Variants in MCC observed in about 807,000 individuals in gnomAD.
The protein encoded by MCC is MCC regulator of Wnt signaling pathway.
Under a neutral mutation model 116.2 loss-of-function variants are expected in MCC, and 90 were observed. The ratio of observed to expected loss-of-function variants is 0.77; its 90% CI spans 0.65 to 0.92. The LOEUF (loss-of-function observed/expected upper bound fraction) is 0.92, where lower values mean the gene tolerates loss of function less well. Among genes scored for constraint, MCC ranks in the 40% least tolerant of loss-of-function variants. MCC has a pLI of 0.00. For missense variants in MCC, 1,516 were observed against 1,312.2 expected, an observed-to-expected ratio of 1.16 and a Z score of -2.40; for synonymous variants, 578 against 510.5, an observed-to-expected ratio of 1.13 and a Z score of -1.78.
At chr5:113,071,804 C>T (rs765756369) in intron 11 of MCC, among the ~76,000 whole-genome samples, 3 of 152,208 alleles carry the variant, frequency 2.0e-5, no homozygotes, top group Non-Finnish European at 4.4e-5. Context: ...CTCATAATCA[C>T]AAACTACAGA....
intron 1 of MCC, among the ~76,000 whole-genome samples, chr5:113,477,738 C>G (rs1378023960): frequency 6.6e-6 from 1 of 152,056 alleles, no homozygotes; most frequent in African/African-American, 2.4e-5. Context: ...TTAAATTAGC[C>G]CTAGTCTAAA....
intron 1 of MCC, among the ~76,000 whole-genome samples, chr5:113,448,848 C>T (rs924656286): frequency 6.6e-6 from 1 of 152,188 alleles, no homozygotes. Flanking sequence ...AGGACAGCTC[C>T]ACAAATAGAG....
chr5:113,066,675 A>G (rs1408743914), intron 13 of MCC, among the ~76,000 whole-genome samples: 1 of 152,196 alleles, frequency 6.6e-6, no homozygotes, highest in South Asian at 2.1e-4. Flanking sequence ...TCAGTGCAAA[A>G]GTGAGCCCCC....
At chr5:113,147,619 G>C (rs972786075) in intron 4 of MCC, among the ~76,000 whole-genome samples, 1 of 152,142 alleles carries the variant, frequency 6.6e-6, no homozygotes, top group Non-Finnish European at 1.5e-5. Context: ...GGTCACACAG[G>C]ATTTGTCACA....
At chr5:113,327,561 A>AAAAAT (rs1480996383) in intron 3 of MCC, among the ~76,000 whole-genome samples, 161 of 80,522 alleles carry the variant, frequency 2.0e-3, no homozygotes, top group Non-Finnish European at 3.6e-3. Context: ...AAAAAAAAAA[A>AAAAAT]ATATATATAT....
chr5:113,425,056 G>A (rs1770444949), intron 1 of MCC, among the ~76,000 whole-genome samples: 1 of 152,080 alleles, frequency 6.6e-6, no homozygotes, highest in South Asian at 2.1e-4. Flanking sequence ...GTTTCCATGA[G>A]ATAGGGTCCA....
At chr5:113,422,682 T>A (rs1455381394) in intron 1 of MCC, among the ~76,000 whole-genome samples, 1 of 152,134 alleles carries the variant, frequency 6.6e-6, no homozygotes, top group Non-Finnish European at 1.5e-5. Context: ...AATCTGGACC[T>A]GGATGAGCCC....
chr5:113,056,703 A>G (rs1425519183), intron 14 of MCC, among the ~76,000 whole-genome samples: 3 of 152,242 alleles, frequency 2.0e-5, no homozygotes, highest in Admixed American at 2.0e-4. Context: ...ACAACCGTCC[A>G]CATGTACCCC....
rs1750652700 is a variant in MCC, at chr5:113,027,663, C to T, written c.2880-181G>A. Among the ~76,000 whole-genome samples the T allele has an allele frequency of 2.6e-5, 4 of 152,006 alleles. No individual in the cohort carries two copies. In the South Asian group the frequency reaches 8.3e-4, roughly 31 times the overall value. On this transcript the variant is annotated intron_variant, in intron 18 of 18. Coordinates refer to ENST00000408903, the MANE Select transcript of MCC (RefSeq NM_001085377.2). ...GGGACAGCACCAGGATGTCAACACTCAACGGCCAGTCACCTACTGGCTTAA... is the reference window on the plus strand; with the variant it reads ...GGGACAGCACCAGGATGTCAACACTTAACGGCCAGTCACCTACTGGCTTAA...
Position 113,212,011 on chromosome 5 carries a change from G to T in MCC, c.628-60589C>A, listed in dbSNP as rs570243475. The stretch of plus-strand genomic sequence containing the variant: ...CATGGAATACATGGCTTCCCTGAGA[G>T]AATATCTCTAAGATGCAGTAAGATC... On this transcript the variant is annotated intron_variant, in intron 3 of 18. Transcript: ENST00000408903. 3.9e-5 allele frequency among the ~76,000 whole-genome samples: 6 copies of T among 152,262 alleles called. No individual in the cohort carries two copies. The East Asian group carries it at 1.2e-3, about 29-fold the overall frequency.
intron 3 of MCC, among the ~76,000 whole-genome samples, chr5:113,293,886 G>A (rs925018108): frequency 6.6e-6 from 1 of 152,112 alleles, no homozygotes; most frequent in Non-Finnish European, 1.5e-5. Context: ...GGAGCCAAGT[G>A]GGAGATGAAA....
At chr5:113,393,064 G>A (rs986041236) in intron 1 of MCC, among the ~76,000 whole-genome samples, 1 of 152,074 alleles carries the variant, frequency 6.6e-6, no homozygotes, top group Non-Finnish European at 1.5e-5. Flanking sequence ...TATAAACTGT[G>A]TATAGATTTA....
At chr5:113,072,740 G>A (rs559207773) in intron 11 of MCC, among the ~76,000 whole-genome samples, 1 of 152,278 alleles carries the variant, frequency 6.6e-6, no homozygotes, top group Non-Finnish European at 1.5e-5. Flanking sequence ...CCCACCCTAG[G>A]GGTGATTTCT....
chr5:113,181,232 G>A (rs540231725), intron 3 of MCC, among the ~76,000 whole-genome samples: 1 of 152,312 alleles, frequency 6.6e-6, no homozygotes, highest in African/African-American at 2.4e-5. Flanking sequence ...AAGCCTGGAT[G>A]TGCACAGGCC....
intron 11 of MCC, among the ~76,000 whole-genome samples, chr5:113,073,135 T>C (rs780010129): frequency 1.3e-5 from 2 of 152,186 alleles, no homozygotes; most frequent in Non-Finnish European, 2.9e-5. Flanking sequence ...ATTTTATGTT[T>C]GGCCCGAGAC....
At chr5:113,329,351 T>A (rs1767639694) in intron 3 of MCC, among the ~76,000 whole-genome samples, 2 of 151,756 alleles carry the variant, frequency 1.3e-5, no homozygotes, top group Non-Finnish European at 2.9e-5. Flanking sequence ...CACCTGGGCC[T>A]AAGAGTAAAG....
At chr5:113,114,993 G>A (rs1281970807) in intron 6 of MCC, among the ~76,000 whole-genome samples, 1 of 152,106 alleles carries the variant, frequency 6.6e-6, no homozygotes, top group Non-Finnish European at 1.5e-5. Context: ...ACATGAAAAG[G>A]CAGAGGGCCC....
intron 14 of MCC, among the ~76,000 whole-genome samples, chr5:113,058,355 G>A (rs376527278): frequency 1.3e-5 from 2 of 152,168 alleles, no homozygotes; most frequent in African/African-American, 2.4e-5. Flanking sequence ...CGGGCTGGCC[G>A]CATCAGCAGC....
chr5:113,108,568 G>T (rs557586920), intron 6 of MCC, among the ~76,000 whole-genome samples: 1 of 150,660 alleles, frequency 6.6e-6, no homozygotes, highest in Non-Finnish European at 1.5e-5. Context: ...CAGGAGAATC[G>T]CTTGAATCCG....
Sources: allele counts gnomAD v4.1 joint callset (sites outside exome capture counted in the v4.1 genomes callset), GRCh38; gene constraint gnomAD v4.1.1; transcripts MANE v1.5; gene names NCBI Gene and HGNC (gene_info 2026-07-23, HGNC 2026-07-21).